Variants in SLC5A8 observed in about 807,000 individuals in gnomAD.
SLC5A8 encodes the protein sodium-coupled monocarboxylate transporter 1.
SLC5A8 carries 55 observed loss-of-function variants against 71.9 expected under a neutral mutation model. The observed-to-expected ratio is 0.77, with a 90% confidence interval of 0.62 to 0.96. The LOEUF (loss-of-function observed/expected upper bound fraction) is 0.96. Among genes scored for constraint, SLC5A8 ranks in the 40% least tolerant of loss-of-function variants. SLC5A8 has a pLI of 0.00. For synonymous variants in SLC5A8, 307 were observed against 276.1 expected (o/e 1.11, Z -1.11); for missense variants, 701 against 745.3 (o/e 0.94, Z 0.69).
intron 12 of SLC5A8, 124 bp downstream of exon 12, chr12:101,166,370 G>A (rs1299935750): frequency 5.8e-6 from 4 of 692,608 alleles, no homozygotes; most frequent in Non-Finnish European, 9.2e-6. Flanking sequence ...CTAACCACAT[G>A]GGTTTTACTC....
At chr12:101,167,990 C>G in intron 11 of SLC5A8, 106 bp downstream of exon 11, 1 of 1,049,346 alleles carries the variant, frequency 9.5e-7, no homozygotes. Context: ...GTCATCAAGA[C>G]AAGTAGCTAA....
Position 101,204,494 on chromosome 12 carries a change from A to G in SLC5A8, c.417+6T>C. 6.3e-7 allele frequency: 1 copy of G among 1,592,128 alleles called. No individual in the cohort carries two copies. The highest frequency in any genetic ancestry group is 8.5e-7 in the Non-Finnish European group (1 of 1,171,192). ...CAAAAGATAAAATAAATGGAGAGCT[A>G]CTTACTGTTTGAACAATGAAGAGGA... On this transcript the variant is annotated splice_donor_region_variant and intron_variant, in intron 2 of 14. Coordinates refer to ENST00000536262, the MANE Select transcript of SLC5A8 (RefSeq NM_145913.5).
rs112470305 is a variant in SLC5A8 at position 101,197,546 on chromosome 12, T to C, written c.470-2384A>G. On this transcript the variant is annotated intron_variant, in intron 3 of 14. Coordinates refer to ENST00000536262, the MANE Select transcript of SLC5A8 (RefSeq NM_145913.5). Reference sequence around the variant, plus strand: ...TGAACATTAAATGACCCCATACAGATGTAATTGTTAAACCTAGAATCTGGA... The same window carrying C: ...TGAACATTAAATGACCCCATACAGACGTAATTGTTAAACCTAGAATCTGGA... 9.2e-3 allele frequency among the ~76,000 whole-genome samples: 1,403 copies of C among 152,256 alleles called. 19 individuals are homozygous for C. Among genetic ancestry groups the C allele is most frequent in the African/African-American group, 0.032 (1,329 of 41,566 alleles).
intron 5 of SLC5A8, among the ~76,000 whole-genome samples, chr12:101,192,977 T>TTC (rs2137158254): frequency 6.7e-6 from 1 of 150,152 alleles, no homozygotes; most frequent in African/African-American, 2.4e-5. Flanking sequence ...TTCTCTTTTT[T>TTC]TTTTTTTTTT....
chr12:101,184,037 C>T (rs1428343323), intron 8 of SLC5A8, 97 bp downstream of exon 8: 10 of 1,230,162 alleles, frequency 8.1e-6, no homozygotes, highest in Non-Finnish European at 1.2e-5. Flanking sequence ...CCATCTGTGT[C>T]TGTGCCCAGA....
At chr12:101,169,219 T>C (rs1302029540) in intron 10 of SLC5A8, among the ~76,000 whole-genome samples, 1 of 152,028 alleles carries the variant, frequency 6.6e-6, no homozygotes, top group Non-Finnish European at 1.5e-5. Context: ...TTTGGAGACA[T>C]AACAAAGACA....
At chr12:101,174,904 G>T (rs370613112) in intron 10 of SLC5A8, among the ~76,000 whole-genome samples, 35 of 152,010 alleles carry the variant, frequency 2.3e-4, no homozygotes, top group African/African-American at 6.0e-4. Flanking sequence ...GAAATGCCCA[G>T]GTTTCAACAG....
At chr12:101,192,967 TTC>T (rs1193555450) in intron 5 of SLC5A8, among the ~76,000 whole-genome samples, 1 of 138,556 alleles carries the variant, frequency 7.2e-6, no homozygotes, top group Non-Finnish European at 1.5e-5. Context: ...AGGCTACCTT[TTC>T]TCTTTTTTTT....
intron 3 of SLC5A8, among the ~76,000 whole-genome samples, chr12:101,198,078 C>T (rs930792873): frequency 3.3e-5 from 5 of 151,784 alleles, no homozygotes; most frequent in African/African-American, 1.2e-4. Flanking sequence ...ATAAATAACC[C>T]ATGGGCAAAA....
Position 101,209,875 on chromosome 12 carries a change from C to T in SLC5A8, c.-27G>A. The T allele has an allele frequency of 1.3e-6, 2 of 1,492,400 alleles. No homozygotes were observed. The highest frequency in any genetic ancestry group is 1.8e-6 in the Non-Finnish European group (2 of 1,121,152). The allele number at this position is 1,492,400 out of a possible 1,614,324, so 92.4% of individuals were successfully genotyped here. The stretch of plus-strand genomic sequence containing the variant: ...GCCGCACGGTCGCCTGAGCCCTGCG[C>T]GCAAACTGGTGGCCCCGCGGCGCGC... On this transcript the variant is annotated 5_prime_UTR_variant, in exon 1 of 15. Transcript: ENST00000536262.
intron 3 of SLC5A8, among the ~76,000 whole-genome samples, chr12:101,195,471 C>T (rs1869128782): frequency 6.6e-6 from 1 of 152,148 alleles, no homozygotes; most frequent in South Asian, 2.1e-4. Context: ...TTTCTTATCT[C>T]TCTCCCGATT....
At chr12:101,201,196 A>G (rs904395104) in intron 3 of SLC5A8, among the ~76,000 whole-genome samples, 4 of 152,254 alleles carry the variant, frequency 2.6e-5, no homozygotes, top group Non-Finnish European at 5.9e-5. Context: ...TCAGTTCTCG[A>G]CAAATGAGAT....
At chr12:101,189,837 GA>G (rs1868819205) in intron 6 of SLC5A8, among the ~76,000 whole-genome samples, 1 of 152,118 alleles carries the variant, frequency 6.6e-6, no homozygotes. Flanking sequence ...AGTTGAAGTG[GA>G]AAAAGGAACT....
chr12:101,192,366 C>A (rs1306898801), intron 5 of SLC5A8, among the ~76,000 whole-genome samples: 1 of 151,808 alleles, frequency 6.6e-6, no homozygotes, highest in African/African-American at 2.4e-5. Context: ...AACTTTGGTG[C>A]TTATTTTCAG....
chr12:101,184,834 T>C (rs1406027555), intron 7 of SLC5A8, among the ~76,000 whole-genome samples: 2 of 152,236 alleles, frequency 1.3e-5, no homozygotes, highest in Non-Finnish European at 1.5e-5. Flanking sequence ...AACTTCCTGA[T>C]ACTAACTTGC....
chr12:101,170,053 G>A (rs1380958878), intron 10 of SLC5A8, among the ~76,000 whole-genome samples: 1 of 152,220 alleles, frequency 6.6e-6, no homozygotes, highest in Admixed American at 6.5e-5. Flanking sequence ...CTTAGGCAGT[G>A]GACGAGGTAG....
Position 101,209,737 on chromosome 12 carries a change from C to A in SLC5A8, c.112G>T (p.Gly38Cys), listed in dbSNP as rs1054497509. ...AGGAAGTCCTTGGAGGTCTGCTGGCCGCCCCCAGCGAAGGCGTAGTAGATG... is the reference window on the plus strand; with the variant it reads ...AGGAAGTCCTTGGAGGTCTGCTGGCAGCCCCCAGCGAAGGCGTAGTAGATG... ...IGIYYAFAGG[G>C]QQTSKDFLMG... The change falls in exon 1 of 15, where the codon GGC (glycine) becomes TGC (cysteine). Residue 38 changes from glycine (G) to cysteine (C), a missense_variant. Gly to Cys is a radical substitution (Grantham distance 159). Coordinates refer to ENST00000536262, the MANE Select transcript of SLC5A8 (RefSeq NM_145913.5). 2.5e-6 allele frequency: 4 copies of A among 1,612,618 alleles called. No individual in the cohort carries two copies. Among genetic ancestry groups the A allele is most frequent in the Non-Finnish European group, 1.7e-6 (2 of 1,179,806 alleles).
At chr12:101,190,948 T>C (rs963804112) in intron 5 of SLC5A8, among the ~76,000 whole-genome samples, 1 of 151,844 alleles carries the variant, frequency 6.6e-6, no homozygotes, top group Non-Finnish European at 1.5e-5. Context: ...ACATGAAACA[T>C]AGAGAAAGAG....
intron 3 of SLC5A8, among the ~76,000 whole-genome samples, chr12:101,200,556 GA>G (rs1292218157): frequency 1.3e-5 from 2 of 151,298 alleles, no homozygotes; most frequent in South Asian, 2.1e-4. Context: ...TATAAACACT[GA>G]AAAAAAATCA....
Sources: gnomAD v4.1 joint callset for allele counts (sites outside exome capture counted in the v4.1 genomes callset) on GRCh38, gnomAD v4.1.1 for gene constraint, MANE v1.5 for transcripts, NCBI Gene and HGNC (gene_info 2026-07-23, HGNC 2026-07-21) for gene names.